CDCP1: variants seen among roughly 807,000 people sequenced by gnomAD.
The protein encoded by CDCP1 is CUB domain containing protein 1.
In CDCP1, 29 loss-of-function variants were observed where a neutral mutation model predicts 60.2. The ratio of observed to expected loss-of-function variants is 0.48; its 90% CI spans 0.36 to 0.66. The LOEUF (loss-of-function observed/expected upper bound fraction) is 0.66, where lower values mean the gene tolerates loss of function less well. Among genes scored for constraint, CDCP1 ranks in the 30% least tolerant of loss-of-function variants. The pLI is 0.00. For synonymous variants in CDCP1, 387 were observed against 431.1 expected (o/e 0.90, Z 1.27); for missense variants, 876 against 1,074.3 (o/e 0.82, Z 2.58).
At chr3:45,114,543 T>C (rs1698753268) in intron 2 of CDCP1, among the ~76,000 whole-genome samples, 1 of 151,978 alleles carries the variant, frequency 6.6e-6, no homozygotes, top group African/African-American at 2.4e-5. Context: ...GCCTCCCAAG[T>C]AGCTGGGACT....
chr3:45,093,125 GACTCACTATCT>G, intron 6 of CDCP1, 141 bp downstream of exon 6: 1 of 810,214 alleles, frequency 1.2e-6, no homozygotes, highest in Non-Finnish European at 1.9e-6. Flanking sequence ...TCAGGATTAG[GACTCACTATCT>G]TTCAAATTTC....
At chr3:45,126,234 T>TCTTCCTTC (rs1317549092) in intron 1 of CDCP1, among the ~76,000 whole-genome samples, 1 of 145,650 alleles carries the variant, frequency 6.9e-6, no homozygotes, top group Non-Finnish European at 1.5e-5. Context: ...TTCCTTCCTT[T>TCTTCCTTC]CTTCCTTCCT....
At chr3:45,142,112 C>T (rs1361557605) in intron 1 of CDCP1, among the ~76,000 whole-genome samples, 3 of 152,288 alleles carry the variant, frequency 2.0e-5, no homozygotes, top group South Asian at 2.1e-4. Flanking sequence ...GGATTACAGG[C>T]GTGAGCCACT....
At chr3:45,140,478 A>T (rs1699270496) in intron 1 of CDCP1, among the ~76,000 whole-genome samples, 1 of 152,194 alleles carries the variant, frequency 6.6e-6, no homozygotes, top group Non-Finnish European at 1.5e-5. Context: ...TTTATTATTT[A>T]AGCATATTCC....
Position 45,086,940 on chromosome 3 carries a change from A to G in CDCP1, c.2082-873T>C, listed in dbSNP as rs115495538. Among the ~76,000 whole-genome samples, 361 of 152,342 alleles carry G rather than the reference A, an allele frequency of 2.4e-3. 4 individuals are homozygous for G. Among genetic ancestry groups the G allele is most frequent in the African/African-American group, 7.2e-3 (298 of 41,582 alleles). Reference sequence around the variant, plus strand: ...ATAAGGCACAGGCTGGCAGTTCATAATGGTGGACAGGCTGTCTGTACTTTG... The same window carrying G: ...ATAAGGCACAGGCTGGCAGTTCATAGTGGTGGACAGGCTGTCTGTACTTTG... On this transcript the variant is annotated intron_variant, in intron 8 of 8. Transcript: ENST00000296129.
chr3:45,091,957 C>A lies in CDCP1; in HGVS notation c.1628-419G>T, dbSNP rs927075633. ...TACAGGCATGAGCCACCATGACCGG[C>A]TAATTTTTTGTATTTTTAGTAGAGA... is the stretch of plus-strand genomic sequence containing the variant. On this transcript the variant is annotated intron_variant, in intron 6 of 8. Coordinates refer to ENST00000296129, the MANE Select transcript of CDCP1 (RefSeq NM_022842.5). This position sits in a 1 kb window ranked among gnomAD's most constrained non-coding sequence, Gnocchi z 4.8. Among the ~76,000 whole-genome samples the A allele has an allele frequency of 3.9e-5, 6 of 152,114 alleles. No individual in the cohort carries two copies. The highest frequency in any genetic ancestry group is 3.9e-4 in the Admixed American group (6 of 15,272).
At chr3:45,092,795 G>A (rs1036606546) in intron 6 of CDCP1, among the ~76,000 whole-genome samples, 14 of 152,102 alleles carry the variant, frequency 9.2e-5, no homozygotes, top group African/African-American at 2.4e-4. Context: ...CAGGAGGGTC[G>A]GGTCTGCCCA....
chr3:45,141,260 A>G (rs1170464042), intron 1 of CDCP1, among the ~76,000 whole-genome samples: 1 of 152,154 alleles, frequency 6.6e-6, no homozygotes, highest in African/African-American at 2.4e-5. Context: ...AATGTCAACA[A>G]AGGGAGGTGC....
intron 1 of CDCP1, among the ~76,000 whole-genome samples, chr3:45,142,760 A>G (rs979476200): frequency 6.6e-5 from 10 of 151,836 alleles, no homozygotes; most frequent in Admixed American, 3.3e-4. Context: ...ACACGGAAAT[A>G]CGCGTGCAAA....
At chr3:45,097,115 C>G (rs1193963231) in intron 4 of CDCP1, among the ~76,000 whole-genome samples, 4 of 152,020 alleles carry the variant, frequency 2.6e-5, no homozygotes, top group African/African-American at 9.7e-5. Context: ...GCAGACCAGT[C>G]TGGCCAACAT....
intron 1 of CDCP1, among the ~76,000 whole-genome samples, chr3:45,125,494 T>C (rs918729697): frequency 6.6e-6 from 1 of 152,246 alleles, no homozygotes; most frequent in Admixed American, 6.5e-5. Flanking sequence ...GAAATTCCTG[T>C]AAGGCCTAAA....
chr3:45,091,186 G>A lies in CDCP1; in HGVS notation c.1980C>T (p.Thr660=), dbSNP rs372942231. The change falls in exon 7 of 9, where the codon ACC becomes ACT. Residue 660 remains threonine, a synonymous_variant. Coordinates refer to ENST00000296129, the MANE Select transcript of CDCP1 (RefSeq NM_022842.5). The surrounding 1 kb of genome is among the most constrained non-coding windows in gnomAD (Gnocchi z 4.8). ...GAAGGCCCTTACCCACAGTCCTTGGGGTAAGTGTCACCGAGAAGAGCAGGT... is the reference window on the plus strand; with the variant it reads ...GAAGGCCCTTACCCACAGTCCTTGGAGTAAGTGTCACCGAGAAGAGCAGGT... ...QLDLLFSVTL[T]PRTVDLTVIL... 9.3e-6 allele frequency: 15 copies of A among 1,612,838 alleles called. No individual in the cohort carries two copies. Among genetic ancestry groups the A allele is most frequent in the East Asian group, 8.9e-5 (4 of 44,860 alleles).
At chr3:45,097,927 A>G (rs1306868565) in intron 4 of CDCP1, among the ~76,000 whole-genome samples, 1 of 152,174 alleles carries the variant, frequency 6.6e-6, no homozygotes, top group Non-Finnish European at 1.5e-5. Context: ...ATATAATTTG[A>G]TTTGGAAAAT....
In CDCP1 at chr3:45,091,457, G is replaced by T; in HGVS notation, c.1709C>A (p.Ser570Tyr). 1 of 1,611,954 alleles carries T rather than the reference G, an allele frequency of 6.2e-7. No homozygotes were observed. The highest frequency in any genetic ancestry group is 8.5e-7 in the Non-Finnish European group (1 of 1,178,946). The change falls in exon 7 of 9, where the codon TCC becomes TAC. Residue 570 changes from serine (S) to tyrosine (Y), a missense_variant. By Grantham distance (144) the Ser-to-Tyr change is moderately radical (BLOSUM62 -2). Coordinates refer to ENST00000296129, the MANE Select transcript of CDCP1 (RefSeq NM_022842.5). This position sits in a 1 kb window ranked among gnomAD's most constrained non-coding sequence, Gnocchi z 4.8. ...RTPNWDRGLP[S>Y]LTSVSWNISV... ...GATGTTCCAGGACACAGAGGTGAGG[G>T]ATGGCAGGCCCCGGTCCCAGTTGGG...
At chr3:45,139,009 G>A (rs971625339) in intron 1 of CDCP1, among the ~76,000 whole-genome samples, 3 of 152,116 alleles carry the variant, frequency 2.0e-5, no homozygotes, top group African/African-American at 7.2e-5. Flanking sequence ...GGTGTGTAGA[G>A]ATCACATAGC....
chr3:45,085,838 C>T lies in CDCP1; in HGVS notation c.2311G>A (p.Val771Ile), dbSNP rs772540894. 3 of 1,614,088 alleles carry T rather than the reference C, an allele frequency of 1.9e-6. No individual in the cohort carries two copies. The highest frequency in any genetic ancestry group is 2.2e-5 in the South Asian group (2 of 91,066). The change falls in exon 9 of 9, where the codon GTC (valine) becomes ATC (isoleucine). Residue 771 changes from valine to isoleucine, a missense_variant. Val to Ile is a conservative substitution (Grantham distance 29, BLOSUM62 3). Coordinates refer to ENST00000296129, the MANE Select transcript of CDCP1 (RefSeq NM_022842.5). This position sits in a 1 kb window ranked among gnomAD's most constrained non-coding sequence, Gnocchi z 4.2. ...ATGGTGGGTGGGGAGGGAGGACAGA[C>T]CCCCATGGTGCCCTGGAACGGCCGG... ...TYRPFQGTMG[V>I]CPPSPPTICS...
intron 4 of CDCP1, among the ~76,000 whole-genome samples, chr3:45,097,145 T>G (rs1221913612): frequency 6.6e-6 from 1 of 151,446 alleles, no homozygotes; most frequent in Non-Finnish European, 1.5e-5. Flanking sequence ...TCATCAATAC[T>G]AAAATACAAA....
intron 1 of CDCP1, 117 bp downstream of exon 1, chr3:45,146,089 T>C (rs1481066088): frequency 9.4e-6 from 8 of 852,012 alleles, no homozygotes; most frequent in South Asian, 1.9e-5. Flanking sequence ...CCCCGCCCTC[T>C]CTCCGCACCC....
At chr3:45,107,077 C>A (rs1698579274) in intron 4 of CDCP1, among the ~76,000 whole-genome samples, 1 of 152,228 alleles carries the variant, frequency 6.6e-6, no homozygotes, top group African/African-American at 2.4e-5. Flanking sequence ...CTGCGGTCCA[C>A]TCTCCTGCCT....
Sources: gnomAD v4.1 joint callset for allele counts (sites outside exome capture counted in the v4.1 genomes callset) on GRCh38, gnomAD v4.1.1 for gene constraint, Gnocchi (gnomAD v3.1) non-coding constraint, MANE v1.5 for transcripts, NCBI Gene and HGNC (gene_info 2026-07-23, HGNC 2026-07-21) for gene names.